Variants in PTPRN2 observed in about 807,000 individuals in gnomAD.
The protein encoded by PTPRN2 is receptor-type tyrosine-protein phosphatase N2.
Under a neutral mutation model 118.8 loss-of-function variants are expected in PTPRN2, and 74 were observed. The ratio of observed to expected loss-of-function variants is 0.62; its 90% CI spans 0.52 to 0.76. The LOEUF is 0.76. PTPRN2 is among the 30% of genes least tolerant of loss of function. PTPRN2 has a pLI of 0.00. For synonymous variants in PTPRN2, 641 were observed against 608.0 expected (o/e 1.05, Z -0.80); for missense variants, 1,481 against 1,394.4 (o/e 1.06, Z -0.99).
intron 12 of PTPRN2, among the ~76,000 whole-genome samples, chr7:157,769,714 ACT>A (rs899871384): frequency 6.6e-6 from 1 of 151,970 alleles, no homozygotes; most frequent in Admixed American, 6.5e-5. Context: ...TCCACACGGA[ACT>A]CTCTTCCGCA....
chr7:158,334,481 C>T (rs1805181775), intron 2 of PTPRN2, among the ~76,000 whole-genome samples: 3 of 84,142 alleles, frequency 3.6e-5, no homozygotes, highest in African/African-American at 1.1e-4. Context: ...CACTCACACC[C>T]ACACACGTCA....
intron 9 of PTPRN2, among the ~76,000 whole-genome samples, chr7:158,133,339 G>A (rs192540544): frequency 1.8e-3 from 276 of 152,272 alleles, no homozygotes; most frequent in East Asian, 7.7e-4. Flanking sequence ...CCTGGCCGCC[G>A]CTGAAGGTGA....
At chr7:158,070,275 A>ATGGTGGAGGTGCTCGTGG (rs1438171041) in intron 11 of PTPRN2, among the ~76,000 whole-genome samples, 4 of 139,916 alleles carry the variant, frequency 2.9e-5, no homozygotes, top group South Asian at 2.2e-4. Context: ...GGAGGTGCTC[A>ATGGTGGAGGTGCTCGTGG]TGGTGGAGGT....
At chr7:157,775,540 C>T (rs1039849704) in intron 12 of PTPRN2, among the ~76,000 whole-genome samples, 11 of 152,342 alleles carry the variant, frequency 7.2e-5, no homozygotes, top group South Asian at 4.1e-4. Flanking sequence ...GCGTGGAGCA[C>T]GCCCGGGGCA....
At position 158,080,579 on chromosome 7, in the gene PTPRN2, T is replaced by TAAAA. The variant is rs372522598; in HGVS notation, c.1723+715_1723+718dup. ...ACTCTACAAGAGTTTTCAACAAGTT[T>TAAAA]AAAAAAAAAAAAAAAGGCAGGTTGA... is the stretch of plus-strand genomic sequence containing the variant. On this transcript the variant is annotated intron_variant, in intron 11 of 22. Coordinates refer to ENST00000389418, the MANE Select transcript of PTPRN2 (RefSeq NM_002847.5). Among the ~76,000 whole-genome samples, 33 of 141,886 alleles carry TAAAA rather than the reference T, an allele frequency of 2.3e-4. 1 individual carries two copies. Among genetic ancestry groups the TAAAA allele is most frequent in the African/African-American group, 8.6e-4 (33 of 38,246 alleles). The allele number at this position is 141,886 out of a possible 152,430, so 93.1% of individuals were successfully genotyped here.
chr7:157,571,321 T>C, intron 20 of PTPRN2, 119 bp downstream of exon 20: 2 of 788,816 alleles, frequency 2.5e-6, no homozygotes, highest in South Asian at 1.9e-5. Flanking sequence ...TGGTTTCCTT[T>C]AGAAGTGCCA....
At chr7:158,205,799 A>T (rs927615976) in intron 3 of PTPRN2, among the ~76,000 whole-genome samples, 1 of 152,180 alleles carries the variant, frequency 6.6e-6, no homozygotes, top group Non-Finnish European at 1.5e-5. Context: ...TGATAGTGGG[A>T]CTTGGTATTG....
At chr7:158,248,654 A>T (rs1379630219) in intron 3 of PTPRN2, among the ~76,000 whole-genome samples, 4 of 150,826 alleles carry the variant, frequency 2.7e-5, no homozygotes, top group Non-Finnish European at 5.9e-5. Flanking sequence ...TGCACACATC[A>T]CACCCACACA....
chr7:158,164,314 C>T (rs1456552944), intron 6 of PTPRN2, among the ~76,000 whole-genome samples: 1 of 150,068 alleles, frequency 6.7e-6, no homozygotes, highest in Admixed American at 6.6e-5. Flanking sequence ...AGCAGGAGCG[C>T]GTGCGTAAGA....
At chr7:157,565,099 A>T (rs1206409685) in intron 21 of PTPRN2, among the ~76,000 whole-genome samples, 1 of 152,264 alleles carries the variant, frequency 6.6e-6, no homozygotes, top group Non-Finnish European at 1.5e-5. Flanking sequence ...GGTGCGTAGT[A>T]TATTCAGATT....
chr7:158,274,483 A>AGCCGCAGGCACAGGG (rs1563074850), intron 3 of PTPRN2, among the ~76,000 whole-genome samples: 37 of 114,558 alleles, frequency 3.2e-4, no homozygotes, highest in African/African-American at 1.0e-3. Flanking sequence ...GAGACACACG[A>AGCCGCAGGCACAGGG]GGAGCCGCAG....
At chr7:157,850,194 A>G (rs923118573) in intron 12 of PTPRN2, among the ~76,000 whole-genome samples, 2 of 152,174 alleles carry the variant, frequency 1.3e-5, no homozygotes, top group Non-Finnish European at 2.9e-5. Context: ...CTGGGGAGAA[A>G]CATGATGTGG....
intron 11 of PTPRN2, among the ~76,000 whole-genome samples, chr7:157,940,738 C>G (rs1205224099): frequency 0.07 from 4,579 of 65,328 alleles, 1,329 homozygotes; most frequent in African/African-American, 0.21. Flanking sequence ...CGCCCTGCCC[C>G]ATGACACTGC....
rs531512581 is a variant in PTPRN2 at position 158,342,240 on chromosome 7, A to C, written c.164-25308T>G. 4.2e-3 allele frequency among the ~76,000 whole-genome samples: 541 copies of C among 129,128 alleles called. 3 individuals are homozygous for C. Among genetic ancestry groups the C allele is most frequent in the Non-Finnish European group, 6.8e-3 (425 of 62,168 alleles). 84.7% of individuals were successfully genotyped at this position (129,128 alleles called of 152,430 possible). On this transcript the variant is annotated intron_variant, in intron 2 of 22. Transcript: ENST00000389418. Reference sequence around the variant, plus strand: ...CACTCACACTCACACTCTCACCATAAGAGCTGACGCCCGCAGACGTCACTC... The same window carrying C: ...CACTCACACTCACACTCTCACCATACGAGCTGACGCCCGCAGACGTCACTC...
intron 2 of PTPRN2, among the ~76,000 whole-genome samples, chr7:158,483,339 C>A (rs991386086): frequency 2.0e-5 from 3 of 152,198 alleles, no homozygotes; most frequent in Non-Finnish European, 4.4e-5. Context: ...GCCATGAAAG[C>A]ATGATTCATT....
intron 12 of PTPRN2, among the ~76,000 whole-genome samples, chr7:157,751,198 C>T (rs570912881): frequency 9.9e-4 from 151 of 152,262 alleles, no homozygotes; most frequent in Admixed American, 2.5e-3. Flanking sequence ...CAACTGGAGA[C>T]ATGCTGACAT....
intron 2 of PTPRN2, among the ~76,000 whole-genome samples, chr7:158,440,842 G>A (rs1265319924): frequency 1.5e-5 from 2 of 137,916 alleles, no homozygotes; most frequent in Non-Finnish European, 3.1e-5. Context: ...GGTGATGGCA[G>A]TGACGGGGGT....
intron 12 of PTPRN2, among the ~76,000 whole-genome samples, chr7:157,782,693 T>C (rs1418464869): frequency 2.0e-5 from 3 of 152,250 alleles, no homozygotes; most frequent in East Asian, 3.8e-4. Context: ...GGAAAATGAC[T>C]ACCCAAGAGA....
rs111429248 is a variant in PTPRN2 at position 157,963,521 on chromosome 7, G to A, written c.1724-64784C>T. 1.8e-4 allele frequency among the ~76,000 whole-genome samples: 27 copies of A among 152,388 alleles called. 1 individual carries two copies. The highest frequency in any genetic ancestry group is 6.5e-4 in the African/African-American group (27 of 41,596). On this transcript the variant is annotated intron_variant, in intron 11 of 22. Transcript: ENST00000389418. ...GATACGTGTTACACACATCAGTTCA[G>A]TTGCTAACCAGCCCATCAGCTTGGA...
Sources: allele counts gnomAD v4.1 joint callset (sites outside exome capture counted in the v4.1 genomes callset), GRCh38; gene constraint gnomAD v4.1.1; transcripts MANE v1.5; gene names NCBI Gene and HGNC (gene_info 2026-07-23, HGNC 2026-07-21).